The following CASD1 variants were observed in gnomAD, a reference collection of about 807,000 sequenced individuals.
The protein encoded by CASD1 is CAS1 domain sialic acid O acetyltransferase 1, also known as N-acetylneuraminate (7)9-O-acetyltransferase.
CASD1 carries 41 observed loss-of-function variants against 100.0 expected under a neutral mutation model. The observed-to-expected ratio is 0.41, with a 90% confidence interval of 0.32 to 0.53. The LOEUF (loss-of-function observed/expected upper bound fraction) is 0.53. CASD1 is among the 20% of genes least tolerant of loss of function. CASD1 has a pLI of 0.25. For synonymous variants in CASD1, 321 were observed against 315.6 expected (o/e 1.02, Z -0.18); for missense variants, 774 against 948.7 (o/e 0.82, Z 2.42).
the CASD1 span, among the ~76,000 whole-genome samples, chr7:94,595,307 G>A: frequency 6.6e-6 from 1 of 152,112 alleles, no homozygotes; most frequent in Admixed American, 6.6e-5. Context: ...GAACAAACTA[G>A]TTTTATGCAG....
chr7:94,558,858 G>A (rs966997890), downstream of CASD1, among the ~76,000 whole-genome samples: 2 of 151,992 alleles, frequency 1.3e-5, no homozygotes, highest in Non-Finnish European at 2.9e-5. Context: ...GGAGTGCAGT[G>A]GCGTGATCTT....
At chr7:94,558,362 A>T (rs1464414756), downstream of CASD1, among the ~76,000 whole-genome samples, 1 of 152,202 alleles carries the variant, frequency 6.6e-6, no homozygotes, top group South Asian at 2.1e-4. Context: ...TGTGTAATGA[A>T]TTGGATGTAC....
the CASD1 span, among the ~76,000 whole-genome samples, chr7:94,613,930 A>G: frequency 2.0e-5 from 3 of 152,094 alleles, no homozygotes; most frequent in Non-Finnish European, 2.9e-5. Context: ...AAAAAGTAAG[A>G]TACAAAATAA....
chr7:94,516,371 A>G (rs1336349633), intron 1 of CASD1, among the ~76,000 whole-genome samples: 1 of 152,160 alleles, frequency 6.6e-6, no homozygotes, highest in Non-Finnish European at 1.5e-5. Context: ...TATTTTGGCT[A>G]GATAATGAGT....
chr7:94,623,076 A>G, the CASD1 span, among the ~76,000 whole-genome samples: 2 of 152,164 alleles, frequency 1.3e-5, no homozygotes, highest in Non-Finnish European at 2.9e-5. Flanking sequence ...TTTTAAGGTA[A>G]TGAAAAAGGC....
the CASD1 span, chr7:94,600,012 T>C: frequency 3.3e-6 from 1 of 300,392 alleles, no homozygotes. Flanking sequence ...CATGTAAAAA[T>C]GAAAGAATTT....
At chr7:94,536,069 C>A (rs1354770307) in intron 8 of CASD1, among the ~76,000 whole-genome samples, 2 of 152,022 alleles carry the variant, frequency 1.3e-5, no homozygotes, top group Non-Finnish European at 2.9e-5. Context: ...ATGGGGAAAC[C>A]CCATCTCTAC....
chr7:94,522,913 G>T (rs904575240), intron 3 of CASD1, among the ~76,000 whole-genome samples: 4 of 152,052 alleles, frequency 2.6e-5, no homozygotes, highest in Admixed American at 2.6e-4. Flanking sequence ...CACCCACCTC[G>T]GCCTCCCAAA....
the CASD1 span, chr7:94,621,221 A>G: frequency 3.5e-4 from 54 of 152,350 alleles, no homozygotes; most frequent in African/African-American, 1.3e-3. Context: ...CCTACTGCAC[A>G]TATACATTTC....
At chr7:94,581,154 C>G in the CASD1 span, among the ~76,000 whole-genome samples, 1 of 152,160 alleles carries the variant, frequency 6.6e-6, no homozygotes, top group Non-Finnish European at 1.5e-5. Context: ...ACATGAGAAT[C>G]CAAACTTAAA....
Position 94,555,940 on chromosome 7 carries a change from A to G in CASD1, c.*182A>G, listed in dbSNP as rs1050737802. 8.6e-6 allele frequency: 5 copies of G among 583,994 alleles called. 1 individual carries two copies. Among genetic ancestry groups the G allele is most frequent in the African/African-American group, 3.7e-5 (2 of 53,714 alleles). The allele number at this position is 583,994 out of a possible 1,614,324, so 36.2% of individuals were successfully genotyped here. On this transcript the variant is annotated 3_prime_UTR_variant, in exon 18 of 18. Coordinates refer to ENST00000297273, the MANE Select transcript of CASD1 (RefSeq NM_022900.5). ...TATATTGGAAATGTACATATCCAAT[A>G]TGAAATACTAAAACAAACAAACAAA...
At chr7:94,539,600 T>C (rs1249823302) in intron 10 of CASD1, among the ~76,000 whole-genome samples, 6 of 145,170 alleles carry the variant, frequency 4.1e-5, no homozygotes, top group Non-Finnish European at 7.4e-5. Context: ...ACCCAGGGGA[T>C]AGAGGTTGCA....
chr7:94,623,444 A>G, the CASD1 span: 2 of 1,172,466 alleles, frequency 1.7e-6, no homozygotes, highest in Non-Finnish European at 1.3e-6. Flanking sequence ...TGTTCTTTGT[A>G]AAATGAAATT....
At chr7:94,578,506 C>T in the CASD1 span, among the ~76,000 whole-genome samples, 10 of 152,126 alleles carry the variant, frequency 6.6e-5, no homozygotes, top group Admixed American at 6.5e-4. Flanking sequence ...CACTTTTTTT[C>T]TGTTGGCCTT....
intron 10 of CASD1, among the ~76,000 whole-genome samples, chr7:94,541,238 T>C (rs1164178749): frequency 2.0e-5 from 3 of 151,992 alleles, no homozygotes; most frequent in Non-Finnish European, 4.4e-5. Flanking sequence ...GATTCTTGGA[T>C]ATTTGAGGGA....
chr7:94,612,690 A>G, the CASD1 span, among the ~76,000 whole-genome samples: 3 of 152,214 alleles, frequency 2.0e-5, no homozygotes, highest in African/African-American at 7.2e-5. Flanking sequence ...GTTGACACAT[A>G]CTGCCAAACT....
the CASD1 span, among the ~76,000 whole-genome samples, chr7:94,578,407 A>T: frequency 6.6e-6 from 1 of 152,270 alleles, no homozygotes; most frequent in African/African-American, 2.4e-5. Context: ...CAACACAGAG[A>T]TCCTTCATGT....
chr7:94,622,052 C>CAG, the CASD1 span: 1 of 151,864 alleles, frequency 6.6e-6, no homozygotes, highest in Admixed American at 6.6e-5. Flanking sequence ...TCTCCATACA[C>CAG]GTTTAATTTT....
At chr7:94,589,854 G>T in the CASD1 span, 18 of 159,436 alleles carry the variant, frequency 1.1e-4, no homozygotes, top group East Asian at 3.3e-3. Flanking sequence ...ATATTACAAT[G>T]TAATAATAGA....
Sources: allele counts gnomAD v4.1 joint callset (sites outside exome capture counted in the v4.1 genomes callset), GRCh38; gene constraint gnomAD v4.1.1; transcripts MANE v1.5; gene names NCBI Gene and HGNC (gene_info 2026-07-23, HGNC 2026-07-21).